RANBP2: variants seen among roughly 807,000 people sequenced by gnomAD.
The protein encoded by RANBP2 is E3 SUMO-protein ligase RanBP2.
A neutral mutation model predicts 303.6 loss-of-function variants in RANBP2; 57 were observed. That is an observed-to-expected ratio of 0.19 (90% CI 0.15 to 0.23). The LOEUF (loss-of-function observed/expected upper bound fraction) is 0.23, where lower values mean the gene tolerates loss of function less well. Among genes scored for constraint, RANBP2 ranks in the 10% least tolerant of loss-of-function variants. The pLI, the probability that RANBP2 is intolerant of heterozygous loss-of-function variation, is 1.00. For synonymous variants in RANBP2, 1,167 were observed against 1,301.5 expected (o/e 0.90, Z 2.23); for missense variants, 3,138 against 3,780.8 (o/e 0.83, Z 4.46).
the RANBP2 span, among the ~76,000 whole-genome samples, chr2:109,677,228 G>A: frequency 6.6e-6 from 1 of 152,240 alleles, no homozygotes; most frequent in South Asian, 2.1e-4. Flanking sequence ...AGCCAGCCAG[G>A]AGTCAGTGGG....
Position 108,766,276 on chromosome 2 carries a change from G to A in RANBP2, c.5737G>A (p.Glu1913Lys), listed in dbSNP as rs1677113466. 3 of 1,612,158 alleles carry A rather than the reference G, an allele frequency of 1.9e-6. No individual in the cohort carries two copies. The highest frequency in any genetic ancestry group is 2.5e-6 in the Non-Finnish European group (3 of 1,179,986). Residue 1913 changes from glutamate (E) to lysine (K), a missense_variant, in exon 20 of 29, where the codon GAA becomes AAA. Glu to Lys is a moderately conservative substitution (Grantham distance 56). This residue lies in a region of RANBP2 where 348 missense variants were observed against 360.4 expected (regional missense o/e 0.97). Coordinates refer to ENST00000283195, the MANE Select transcript of RANBP2 (RefSeq NM_006267.5). Reference protein sequence around the residue: ...SEPGNQEKKSEKPLENGTGFQ... With the variant: ...SEPGNQEKKSKKPLENGTGFQ... ...ACCAGGAAATCAAGAAAAGAAAAGT[G>A]AAAAGCCTCTTGAAAATGGTACTGG...
chr2:108,912,770 A>C, the RANBP2 span: 3 of 1,582,412 alleles, frequency 1.9e-6, no homozygotes, highest in Non-Finnish European at 2.6e-6. Flanking sequence ...CACACCTGCA[A>C]GGAAAATAGA....
At chr2:109,053,513 T>G in the RANBP2 span, among the ~76,000 whole-genome samples, 1 of 152,196 alleles carries the variant, frequency 6.6e-6, no homozygotes. Flanking sequence ...CATCCTCAGC[T>G]GGAGCGCAAG....
chr2:108,763,119 C>G, intron 19 of RANBP2, 118 bp from the exon 20 acceptor site: 1 of 1,184,194 alleles, frequency 8.4e-7, no homozygotes, highest in Non-Finnish European at 1.2e-6. Context: ...TACTACATCC[C>G]CTAATGAGAT....
At chr2:109,631,624 C>T in the RANBP2 span, among the ~76,000 whole-genome samples, 296 of 152,046 alleles carry the variant, frequency 1.9e-3, 2 homozygotes, top group African/African-American at 6.8e-3. Flanking sequence ...GGCGTGATGG[C>T]GGGCACCTGT....
the RANBP2 span, among the ~76,000 whole-genome samples, chr2:109,055,515 C>T: frequency 6.0e-5 from 9 of 149,806 alleles, no homozygotes; most frequent in East Asian, 6.3e-4. Context: ...TGCATGCCAC[C>T]GTGTCCGGCT....
At chr2:109,629,355 A>T in the RANBP2 span, among the ~76,000 whole-genome samples, 2,833 of 14,434 alleles carry the variant, frequency 0.2, 59 homozygotes, top group African/African-American at 0.28. Flanking sequence ...ATATATATAT[A>T]TTTTTTTTTT....
chr2:109,100,548 A>G, the RANBP2 span, among the ~76,000 whole-genome samples: 1 of 152,184 alleles, frequency 6.6e-6, no homozygotes, highest in Admixed American at 6.5e-5. Flanking sequence ...AAGAGGAAGG[A>G]AACAGGGGCT....
the RANBP2 span, among the ~76,000 whole-genome samples, chr2:108,865,804 T>A: frequency 6.6e-6 from 1 of 152,150 alleles, no homozygotes; most frequent in African/African-American, 2.4e-5. Flanking sequence ...TACTCCGTGA[T>A]GAGCCAGAGG....
At chr2:109,289,137 T>TAA in the RANBP2 span, among the ~76,000 whole-genome samples, 8 of 152,184 alleles carry the variant, frequency 5.3e-5, no homozygotes, top group East Asian at 1.4e-3. Flanking sequence ...GAAAAGAAAA[T>TAA]TATTAACTAT....
At chr2:108,747,567 A>G (rs1696611938) in intron 8 of RANBP2, among the ~76,000 whole-genome samples, 1 of 152,080 alleles carries the variant, frequency 6.6e-6, no homozygotes, top group African/African-American at 2.4e-5. Flanking sequence ...CCTTAAAGTG[A>G]CTTTCTACTT....
At chr2:109,371,228 A>G in the RANBP2 span, among the ~76,000 whole-genome samples, 1 of 152,206 alleles carries the variant, frequency 6.6e-6, no homozygotes, top group African/African-American at 2.4e-5. Flanking sequence ...ATCTCTACCA[A>G]AAAATACAAA....
chr2:109,119,183 T>C, the RANBP2 span, among the ~76,000 whole-genome samples: 2 of 152,156 alleles, frequency 1.3e-5, no homozygotes, highest in Non-Finnish European at 2.9e-5. Context: ...GCCACTGAAA[T>C]GTTCAATATG....
chr2:109,515,650 C>T, the RANBP2 span, among the ~76,000 whole-genome samples: 17 of 152,092 alleles, frequency 1.1e-4, no homozygotes, highest in African/African-American at 2.4e-4. Flanking sequence ...GTCTGTTTTG[C>T]GTTGCTACAA....
the RANBP2 span, among the ~76,000 whole-genome samples, chr2:109,079,631 G>A: frequency 1.4e-4 from 22 of 152,362 alleles, no homozygotes; most frequent in Non-Finnish European, 3.1e-4. Flanking sequence ...GTCCCAACCA[G>A]CAGAGGGGAC....
At chr2:109,674,132 G>T in the RANBP2 span, among the ~76,000 whole-genome samples, 2 of 151,574 alleles carry the variant, frequency 1.3e-5, no homozygotes, top group African/African-American at 4.9e-5. Flanking sequence ...GGCCTCCCCA[G>T]CACTCCTTTA....
At chr2:108,793,018 T>C in the RANBP2 span, among the ~76,000 whole-genome samples, 2 of 147,462 alleles carry the variant, frequency 1.4e-5, no homozygotes, top group African/African-American at 5.3e-5. Context: ...GAGCTGAGAC[T>C]GTGCCACTGC....
the RANBP2 span, among the ~76,000 whole-genome samples, chr2:109,003,663 G>A: frequency 1.3e-5 from 2 of 152,026 alleles, no homozygotes; most frequent in East Asian, 1.9e-4. Flanking sequence ...TGCCCACCTC[G>A]GCCTCCCAAA....
chr2:108,991,804 T>G, the RANBP2 span, among the ~76,000 whole-genome samples: 1 of 152,186 alleles, frequency 6.6e-6, no homozygotes. Flanking sequence ...ATTTTAAATT[T>G]GTGTCTTTTA....
Sources: gnomAD v4.1 joint callset for allele counts (sites outside exome capture counted in the v4.1 genomes callset) on GRCh38, gnomAD v4.1.1 for gene constraint, gnomAD v4.1.1 regional missense constraint, MANE v1.5 for transcripts, NCBI Gene and HGNC (gene_info 2026-07-23, HGNC 2026-07-21) for gene names.